TAFA4: variants seen among roughly 807,000 people sequenced by gnomAD.
TAFA4 encodes the protein TAFA chemokine like family member 4.
A neutral mutation model predicts 21.1 loss-of-function variants in TAFA4; 20 were observed. That is an observed-to-expected ratio of 0.95 (90% confidence interval 0.67 to 1.38). The LOEUF (loss-of-function observed/expected upper bound fraction) is 1.38, where lower values mean the gene tolerates loss of function less well. TAFA4 is among the 40% of genes most tolerant of loss of function. TAFA4 has a pLI of 0.00. For missense variants in TAFA4, 211 were observed against 180.9 expected (o/e 1.17, Z -0.95); for synonymous variants, 71 against 67.4 (o/e 1.05, Z -0.26).
chr3:68,921,102 C>T (rs926299137), intron 1 of TAFA4, among the ~76,000 whole-genome samples: 1 of 152,112 alleles, frequency 6.6e-6, no homozygotes, highest in African/African-American at 2.4e-5. Flanking sequence ...GAGGGGACAA[C>T]AGTGACTGAT....
At chr3:68,930,373 C>G (rs530574172) in intron 1 of TAFA4, among the ~76,000 whole-genome samples, 2 of 152,258 alleles carry the variant, frequency 1.3e-5, no homozygotes, top group East Asian at 3.9e-4. Flanking sequence ...GAGAAATTGG[C>G]AGCCACTGCT....
intron 3 of TAFA4, among the ~76,000 whole-genome samples, chr3:68,825,358 C>T (rs969866947): frequency 1.3e-5 from 2 of 152,172 alleles, no homozygotes; most frequent in African/African-American, 4.8e-5. Flanking sequence ...ACTACATTTT[C>T]TTTATCCAGT....
intron 3 of TAFA4, among the ~76,000 whole-genome samples, chr3:68,764,257 T>C (rs1168482022): frequency 6.6e-6 from 1 of 151,998 alleles, no homozygotes; most frequent in East Asian, 1.9e-4. Flanking sequence ...AGAGGCTATG[T>C]GAAAACATAG....
intron 3 of TAFA4, among the ~76,000 whole-genome samples, chr3:68,831,568 G>A (rs187264161): frequency 6.6e-6 from 1 of 151,182 alleles, no homozygotes; most frequent in Non-Finnish European, 1.5e-5. Flanking sequence ...AGTCTGACGG[G>A]CTTCCCTTTG....
At chr3:68,771,948 T>G (rs1702965651) in intron 3 of TAFA4, among the ~76,000 whole-genome samples, 1 of 152,096 alleles carries the variant, frequency 6.6e-6, no homozygotes, top group Admixed American at 6.5e-5. Flanking sequence ...AAATGCTTGG[T>G]AAGACTCAAA....
chr3:68,919,688 G>T (rs1390221761), intron 1 of TAFA4, among the ~76,000 whole-genome samples: 1 of 152,190 alleles, frequency 6.6e-6, no homozygotes, highest in African/African-American at 2.4e-5. Context: ...TGAACAGCAA[G>T]AAGTTTGGAA....
chr3:68,737,699 CACTTAGA>C (rs1156430901), intron 5 of TAFA4, among the ~76,000 whole-genome samples: 10 of 152,262 alleles, frequency 6.6e-5, no homozygotes, highest in African/African-American at 2.2e-4. Flanking sequence ...TTCAAGTTCA[CACTTAGA>C]AGGAGAACTG....
chr3:68,825,572 C>A (rs78148870), intron 3 of TAFA4, among the ~76,000 whole-genome samples: 4 of 148,226 alleles, frequency 2.7e-5, no homozygotes, highest in African/African-American at 1.1e-4. Flanking sequence ...TTTATTTATC[C>A]AGTATTAACC....
At chr3:68,743,079 G>C (rs935063713) in intron 4 of TAFA4, among the ~76,000 whole-genome samples, 2 of 152,126 alleles carry the variant, frequency 1.3e-5, no homozygotes, top group Admixed American at 6.5e-5. Context: ...GATTCTGGCC[G>C]AATATACTGA....
At chr3:68,742,531 T>G (rs764544370) in intron 4 of TAFA4, among the ~76,000 whole-genome samples, 6 of 152,136 alleles carry the variant, frequency 3.9e-5, no homozygotes, top group Admixed American at 2.0e-4. Context: ...TTCCTGCATT[T>G]TCTAATTTAA....
At chr3:68,863,812 T>C (rs1473905986) in intron 3 of TAFA4, among the ~76,000 whole-genome samples, 1 of 152,190 alleles carries the variant, frequency 6.6e-6, no homozygotes, top group Non-Finnish European at 1.5e-5. Flanking sequence ...TCTGACTTAT[T>C]AAAATGCCTA....
At chr3:68,769,133 C>G (rs535407393) in intron 3 of TAFA4, among the ~76,000 whole-genome samples, 1 of 152,340 alleles carries the variant, frequency 6.6e-6, no homozygotes, top group East Asian at 1.9e-4. Flanking sequence ...TCTGTATTTA[C>G]AGCTGCTCCC....
At chr3:68,799,106 C>T (rs1051311816) in intron 3 of TAFA4, among the ~76,000 whole-genome samples, 9 of 151,042 alleles carry the variant, frequency 6.0e-5, no homozygotes, top group African/African-American at 2.2e-4. Context: ...AGAATAATGT[C>T]CCCCCTCCCT....
At chr3:68,817,733 A>T (rs1704021056) in intron 3 of TAFA4, among the ~76,000 whole-genome samples, 1 of 152,124 alleles carries the variant, frequency 6.6e-6, no homozygotes, top group Non-Finnish European at 1.5e-5. Context: ...GGCATTGTCA[A>T]TGAGCAGTAA....
At chr3:68,823,054 C>T (rs116143118) in intron 3 of TAFA4, among the ~76,000 whole-genome samples, 2,187 of 152,158 alleles carry the variant, frequency 0.014, 49 homozygotes, top group African/African-American at 0.05. Flanking sequence ...TATAGAATAC[C>T]AACCTTGACT....
chr3:68,825,541 G>A (rs188092634), intron 3 of TAFA4, among the ~76,000 whole-genome samples: 1 of 152,318 alleles, frequency 6.6e-6, no homozygotes, highest in African/African-American at 2.4e-5. Context: ...ACTAGAGTGT[G>A]TGCAGTCACT....
chr3:68,909,973 C>T (rs955687706), intron 1 of TAFA4, among the ~76,000 whole-genome samples: 3 of 152,136 alleles, frequency 2.0e-5, no homozygotes, highest in Non-Finnish European at 2.9e-5. Flanking sequence ...AGTCCTTCAT[C>T]CTTGTGACTG....
chr3:68,869,402 CA>C (rs756563240), intron 3 of TAFA4, among the ~76,000 whole-genome samples: 8 of 151,862 alleles, frequency 5.3e-5, no homozygotes, highest in East Asian at 3.9e-4. Context: ...GATAAGGACA[CA>C]ATGAAAAGAA....
At chr3:68,761,761 C>T (rs1374611359) in intron 3 of TAFA4, among the ~76,000 whole-genome samples, 1 of 152,186 alleles carries the variant, frequency 6.6e-6, no homozygotes, top group East Asian at 1.9e-4. Flanking sequence ...AGCAGAGACA[C>T]CAGCTCCTGC....
Sources: allele counts gnomAD v4.1 joint callset (sites outside exome capture counted in the v4.1 genomes callset), GRCh38; gene constraint gnomAD v4.1.1; transcripts MANE v1.5; gene names NCBI Gene and HGNC (gene_info 2026-07-23, HGNC 2026-07-21).